The following CA10 variants were observed in gnomAD, a reference collection of about 807,000 sequenced individuals.
CA10 encodes carbonic anhydrase 10 (inactive).
A neutral mutation model predicts 44.2 loss-of-function variants in CA10; 14 were observed. That is an observed-to-expected ratio of 0.32 (90% CI 0.21 to 0.50). CA10 has a LOEUF of 0.50. Among genes scored for constraint, CA10 ranks in the 20% least tolerant of loss-of-function variants. The probability of loss-of-function intolerance (pLI) is 0.99; values close to 1 mark genes in which losing one functional copy is unlikely to be tolerated. For missense variants in CA10, 350 were observed against 409.7 expected, an observed-to-expected ratio of 0.85 and a Z score of 1.26; for synonymous variants, 159 against 141.6, an observed-to-expected ratio of 1.12 and a Z score of -0.87.
intron 1 of CA10, among the ~76,000 whole-genome samples, chr17:52,150,207 G>A (rs1269909839): frequency 1.3e-5 from 2 of 151,896 alleles, no homozygotes; most frequent in East Asian, 3.9e-4. Context: ...AATCTTCCAC[G>A]ACAACTCTTT....
chr17:51,667,760 G>A (rs1410118101), intron 4 of CA10, among the ~76,000 whole-genome samples: 5 of 152,122 alleles, frequency 3.3e-5, no homozygotes, highest in Non-Finnish European at 7.4e-5. Context: ...ACAGAAGGAG[G>A]GAGAGCCAAA....
At chr17:51,845,461 T>G (rs529876540) in intron 3 of CA10, among the ~76,000 whole-genome samples, 1 of 152,298 alleles carries the variant, frequency 6.6e-6, no homozygotes, top group East Asian at 1.9e-4. Context: ...TGTGGAACCT[T>G]GAGCCAGAAC....
chr17:52,084,102 C>T (rs1479516584), intron 1 of CA10, among the ~76,000 whole-genome samples: 1 of 152,118 alleles, frequency 6.6e-6, no homozygotes, highest in Non-Finnish European at 1.5e-5. Flanking sequence ...ACTGAAGAAA[C>T]TTGGGGAACA....
At chr17:51,712,218 T>C (rs1915962417) in intron 4 of CA10, among the ~76,000 whole-genome samples, 1 of 152,294 alleles carries the variant, frequency 6.6e-6, no homozygotes, top group Non-Finnish European at 1.5e-5. Context: ...ATGCCCTTTC[T>C]ACGCATTTCA....
At chr17:52,110,291 C>T (rs1409908941) in intron 1 of CA10, among the ~76,000 whole-genome samples, 3 of 152,174 alleles carry the variant, frequency 2.0e-5, no homozygotes, top group Admixed American at 6.5e-5. Context: ...GGTATGATCA[C>T]GTGCCTTACT....
At chr17:51,897,905 A>G (rs1177531022) in intron 3 of CA10, among the ~76,000 whole-genome samples, 1 of 152,150 alleles carries the variant, frequency 6.6e-6, no homozygotes, top group African/African-American at 2.4e-5. Context: ...TGATTTTTGT[A>G]CATTGATTTT....
intron 2 of CA10, among the ~76,000 whole-genome samples, chr17:52,056,282 A>G (rs1000976237): frequency 4.6e-5 from 7 of 152,118 alleles, no homozygotes; most frequent in Admixed American, 3.9e-4. Context: ...AATTCTGTTC[A>G]GTGAGGGAAG....
chr17:52,111,211 A>T (rs779107725), intron 1 of CA10, among the ~76,000 whole-genome samples: 25 of 152,148 alleles, frequency 1.6e-4, no homozygotes, highest in Non-Finnish European at 2.8e-4. Context: ...ATTATGTATG[A>T]CGCTCACTTA....
intron 3 of CA10, among the ~76,000 whole-genome samples, chr17:51,851,319 G>C (rs1333558533): frequency 1.3e-5 from 2 of 152,194 alleles, no homozygotes; most frequent in African/African-American, 4.8e-5. Flanking sequence ...CAGCGGCCCT[G>C]CTCCTGGATG....
At chr17:51,765,081 T>C (rs1567832140) in intron 3 of CA10, among the ~76,000 whole-genome samples, 1 of 152,182 alleles carries the variant, frequency 6.6e-6, no homozygotes, top group East Asian at 1.9e-4. Flanking sequence ...ATGGTGCTAA[T>C]GAGCAGAATA....
intron 3 of CA10, among the ~76,000 whole-genome samples, chr17:51,874,116 T>C (rs952874670): frequency 2.0e-5 from 3 of 152,032 alleles, no homozygotes; most frequent in Admixed American, 6.6e-5. Context: ...GTGTAGAGTG[T>C]AGGGGAAATG....
At chr17:51,772,026 C>T (rs1325643239) in intron 3 of CA10, among the ~76,000 whole-genome samples, 4 of 152,144 alleles carry the variant, frequency 2.6e-5, no homozygotes, top group Admixed American at 2.6e-4. Flanking sequence ...TGTGATGCCT[C>T]GTGGAGTGCT....
intron 1 of CA10, among the ~76,000 whole-genome samples, chr17:52,138,887 A>G (rs2057262251): frequency 6.6e-6 from 1 of 152,204 alleles, no homozygotes; most frequent in Non-Finnish European, 1.5e-5. Flanking sequence ...TTTATAACTA[A>G]GGAACCCAGT....
chr17:51,763,569 C>G (rs773576554), intron 3 of CA10, among the ~76,000 whole-genome samples: 1 of 152,104 alleles, frequency 6.6e-6, no homozygotes, highest in African/African-American at 2.4e-5. Flanking sequence ...ATTTTAACAC[C>G]CTTTCCGTCC....
intron 1 of CA10, among the ~76,000 whole-genome samples, chr17:52,120,640 G>A (rs1430026579): frequency 1.3e-5 from 2 of 152,164 alleles, no homozygotes; most frequent in Non-Finnish European, 2.9e-5. Context: ...TTGTGCAGCT[G>A]GGGGAACCTG....
At chr17:52,123,589 G>T (rs529753975) in intron 1 of CA10, among the ~76,000 whole-genome samples, 1 of 152,248 alleles carries the variant, frequency 6.6e-6, no homozygotes, top group South Asian at 2.1e-4. Flanking sequence ...GCTTATAAAT[G>T]TATGGAAGGA....
chr17:51,948,315 C>A (rs2144029016), intron 2 of CA10, among the ~76,000 whole-genome samples: 1 of 152,292 alleles, frequency 6.6e-6, no homozygotes, highest in South Asian at 2.1e-4. Flanking sequence ...GGCTGGAGCT[C>A]TTCCTGTTTG....
chr17:52,128,061 G>A (rs1989157918), intron 1 of CA10, among the ~76,000 whole-genome samples: 1 of 152,128 alleles, frequency 6.6e-6, no homozygotes, highest in African/African-American at 2.4e-5. Flanking sequence ...AGGGACATAA[G>A]GGCTATTAAG....
At chr17:51,717,821 ATGTG>A (rs377290070) in intron 4 of CA10, among the ~76,000 whole-genome samples, 15 of 38,088 alleles carry the variant, frequency 3.9e-4, no homozygotes, top group South Asian at 1.6e-3. Flanking sequence ...ACGTATATAT[ATGTG>A]TGTGTATATA....
Sources: gnomAD v4.1 joint callset for allele counts (sites outside exome capture counted in the v4.1 genomes callset) on GRCh38, gnomAD v4.1.1 for gene constraint, MANE v1.5 for transcripts, NCBI Gene and HGNC (gene_info 2026-07-23, HGNC 2026-07-21) for gene names.